The following THAP3 variants were observed in gnomAD, a reference collection of about 807,000 sequenced individuals.
THAP3 encodes THAP domain containing 3, also known as THAP domain-containing protein 3.
Under a neutral mutation model 17.7 loss-of-function variants are expected in THAP3, and 12 were observed. The ratio of observed to expected loss-of-function variants is 0.68; its 90% CI spans 0.43 to 1.10. The LOEUF (loss-of-function observed/expected upper bound fraction) is 1.10. Ranked by LOEUF, THAP3 falls within the 50% of genes least tolerant of loss-of-function variation. The pLI is 0.00. For synonymous variants in THAP3, 133 were observed against 126.9 expected, an observed-to-expected ratio of 1.05 and a Z score of -0.32; for missense variants, 289 against 318.0, an observed-to-expected ratio of 0.91 and a Z score of 0.69.
downstream of THAP3, chr1:6,634,109 G>A: frequency 6.2e-7 from 1 of 1,608,122 alleles, no homozygotes; most frequent in Non-Finnish European, 8.5e-7. Flanking sequence ...GGAGGCCTCT[G>A]GGGAAGGGGT....
intron 2 of THAP3, among the ~76,000 whole-genome samples, chr1:6,625,633 C>T (rs1641448264): frequency 6.6e-6 from 1 of 152,128 alleles, no homozygotes; most frequent in Non-Finnish European, 1.5e-5. Flanking sequence ...GGGAGCCCGG[C>T]ACCTGGGCAG....
Position 6,628,646 on chromosome 1 carries a change from G to A in THAP3, c.222G>A (p.Lys74=). ...CCTTTGGAAACCGCAAGAACCTAAA[G>A]CACAATGCCGTGCCCACGGTGTTCG... is the stretch of plus-strand genomic sequence containing the variant. ...FSAFGNRKNL[K]HNAVPTVFAF... The change falls in exon 3 of 6, where the codon AAG becomes AAA. Residue 74 remains lysine, a synonymous_variant. Coordinates refer to ENST00000054650, the MANE Select transcript of THAP3 (RefSeq NM_001195753.2). 3 of 1,613,792 alleles carry A rather than the reference G, an allele frequency of 1.9e-6. No homozygotes were observed. The highest frequency in any genetic ancestry group is 2.5e-6 in the Non-Finnish European group (3 of 1,180,026).
At position 6,625,201 on chromosome 1, in the gene THAP3, A is replaced by G; in HGVS notation, c.-18A>G. The G allele has an allele frequency of 6.5e-7, 1 of 1,532,334 alleles. No homozygotes were observed. The highest frequency in any genetic ancestry group is 8.8e-7 in the Non-Finnish European group (1 of 1,141,316). The allele number at this position is 1,532,334 out of a possible 1,614,324, so 94.9% of individuals were successfully genotyped here. A position where few individuals can be genotyped will look rare whatever the true frequency, so the allele number is the denominator to read the frequency against. ...CGCCGCCGCCATCTTTGTTGGGGGC[A>G]GCCAGGCCTGGCTCGAGATGCCGAA... On this transcript the variant is annotated 5_prime_UTR_variant, in exon 2 of 6. Transcript: ENST00000054650.
At position 6,633,046 on chromosome 1, in the gene THAP3, A is replaced by G. The variant is rs1166118198; in HGVS notation, c.689A>G (p.Gln230Arg). The G allele has an allele frequency of 6.2e-7, 1 of 1,607,812 alleles. No individual in the cohort carries two copies. The highest frequency in any genetic ancestry group is 2.2e-5 in the East Asian group (1 of 44,686). The stretch of plus-strand genomic sequence containing the variant: ...GCTTGCAAAGGGCACCAGGGACTCC[A>G]GGCCAGACTTGGGCCAGAGCAGCAG... Reference protein sequence around the residue: ...LRACKGHQGLQARLGPEQQS With the variant: ...LRACKGHQGLRARLGPEQQS The change falls in exon 6 of 6, where the codon CAG (glutamine) becomes CGG (arginine). Residue 230 changes from glutamine (Q) to arginine (R), a missense_variant. Transcript: ENST00000054650.
In THAP3 at chr1:6,633,095, C is replaced by T. The variant is rs774899499; in HGVS notation, c.*18C>T. 33 of 1,580,594 alleles carry T rather than the reference C, an allele frequency of 2.1e-5. No individual in the cohort carries two copies. Among genetic ancestry groups the T allele is most frequent in the South Asian group, 1.5e-4 (13 of 88,048 alleles). On this transcript the variant is annotated 3_prime_UTR_variant, in exon 6 of 6. Coordinates refer to ENST00000054650, the MANE Select transcript of THAP3 (RefSeq NM_001195753.2). Reference sequence around the variant, plus strand: ...AGAGCTGAGCCCCACAGGCTCCGGACGCAGAGGTGGCAGTGGCACCAGGGC... The same window carrying T: ...AGAGCTGAGCCCCACAGGCTCCGGATGCAGAGGTGGCAGTGGCACCAGGGC...
intron 4 of THAP3, among the ~76,000 whole-genome samples, chr1:6,631,828 A>G (rs1478212117): frequency 3.9e-5 from 6 of 152,126 alleles, no homozygotes; most frequent in Non-Finnish European, 7.4e-5. Flanking sequence ...CGGAGGTTGC[A>G]GTGAGCTGAG....
chr1:6,633,970 G>GAAA (rs1557460178), downstream of THAP3: 1 of 1,548,912 alleles, frequency 6.5e-7, no homozygotes, highest in Admixed American at 1.9e-5. Flanking sequence ...GTGAATTAAA[G>GAAA]AAAAAAGTTC....
chr1:6,634,453 G>T (rs1043703), downstream of THAP3: 254,928 of 1,293,490 alleles, frequency 0.2, 28,419 homozygotes, highest in Admixed American at 0.41. Context: ...GCTGGGGAGG[G>T]AGGCCTGACT....
At chr1:6,625,019 C>T (rs1641419958) in intron 1 of THAP3, 65 bp downstream of exon 1, 2 of 574,818 alleles carry the variant, frequency 3.5e-6, no homozygotes, top group South Asian at 2.1e-5. Flanking sequence ...GCCCGGAGCA[C>T]CCCTTTACGT....
downstream of THAP3, chr1:6,634,977 A>T (rs982040633): frequency 7.2e-6 from 6 of 828,134 alleles, no homozygotes; most frequent in Non-Finnish European, 9.7e-6. Context: ...TCCCACCGGG[A>T]TACGGGAAGC....
downstream of THAP3, chr1:6,634,471 C>A: frequency 7.6e-7 from 1 of 1,316,786 alleles, no homozygotes; most frequent in Non-Finnish European, 1.0e-6. Flanking sequence ...ACTTCAGCAA[C>A]AGCTGTGGGT....
chr1:6,625,194 TG>T lies in THAP3; in HGVS notation c.-20del. 6.5e-7 allele frequency: 1 copy of T among 1,534,648 alleles called. No individual in the cohort carries two copies. ...GCCCCGCCGCCGCCGCCATCTTTGT[TG>T]GGGGCAGCCAGGCCTGGCTCGAGAT... On this transcript the variant is annotated 5_prime_UTR_variant, in exon 2 of 6. Transcript: ENST00000054650.
intron 4 of THAP3, among the ~76,000 whole-genome samples, chr1:6,631,344 A>G (rs1033567564): frequency 2.6e-5 from 4 of 152,254 alleles, no homozygotes; most frequent in African/African-American, 9.6e-5. Context: ...GTTCAGTTCC[A>G]GGGCCGGGCG....
At chr1:6,634,381 C>T, downstream of THAP3, 1 of 1,177,894 alleles carries the variant, frequency 8.5e-7, no homozygotes, top group South Asian at 1.5e-5. Flanking sequence ...CAGAATTGGA[C>T]AACCCGAACT....
At chr1:6,633,663 C>T (rs1641692619), downstream of THAP3, 1 of 894,988 alleles carries the variant, frequency 1.1e-6, no homozygotes, top group Non-Finnish European at 1.4e-6. Flanking sequence ...AATCCCAGCA[C>T]TTTGAGAGGC....
intron 4 of THAP3, among the ~76,000 whole-genome samples, chr1:6,631,982 G>C (rs1343869090): frequency 6.6e-6 from 1 of 151,684 alleles, no homozygotes; most frequent in Non-Finnish European, 1.5e-5. Flanking sequence ...GGGAGGCAGA[G>C]GTTGCAGTGA....
At chr1:6,634,603 G>C (rs1193453470), downstream of THAP3, 1 of 1,366,382 alleles carries the variant, frequency 7.3e-7, no homozygotes, top group Non-Finnish European at 9.8e-7. Context: ...GGCCCCGAGA[G>C]ACAGGCCTCA....
chr1:6,631,173 TA>T lies in THAP3; in HGVS notation c.333+825del, dbSNP rs1198182643. The stretch of plus-strand genomic sequence containing the variant: ...GCATGTGCTACCATGCCCAGCTAAT[TA>T]AAAATTTTTTTTTTTTTTTTTTTTA... On this transcript the variant is annotated intron_variant, in intron 4 of 5. Coordinates refer to ENST00000054650, the MANE Select transcript of THAP3 (RefSeq NM_001195753.2). 8.1e-3 allele frequency among the ~76,000 whole-genome samples: 797 copies of T among 98,340 alleles called. 7 individuals carry two copies. The highest frequency in any genetic ancestry group is 0.028 in the African/African-American group (677 of 24,072). The allele number at this position is 98,340 out of a possible 152,430, so 64.5% of individuals were successfully genotyped here.
At chr1:6,634,689 A>G (rs1351135857), downstream of THAP3, 1 of 1,366,002 alleles carries the variant, frequency 7.3e-7, no homozygotes, top group Non-Finnish European at 9.8e-7. Flanking sequence ...CCAAGTGGGC[A>G]CGTGGAGGAA....
Sources: gnomAD v4.1 joint callset for allele counts (sites outside exome capture counted in the v4.1 genomes callset) on GRCh38, gnomAD v4.1.1 for gene constraint, MANE v1.5 for transcripts, NCBI Gene and HGNC (gene_info 2026-07-23, HGNC 2026-07-21) for gene names.